The following CALCRL variants were observed in gnomAD, a reference collection of about 807,000 sequenced individuals.
CALCRL encodes the protein calcitonin gene-related peptide type 1 receptor.
CALCRL carries 27 observed loss-of-function variants against 60.4 expected under a neutral mutation model. That is an observed-to-expected ratio of 0.45 (90% CI 0.33 to 0.62). CALCRL has a LOEUF of 0.62. Ranked by LOEUF, CALCRL falls within the 20% of genes least tolerant of loss-of-function variation. The pLI is 0.03. For synonymous variants in CALCRL, 190 were observed against 182.6 expected (o/e 1.04, Z -0.33); for missense variants, 424 against 540.7 (o/e 0.78, Z 2.14).
chr2:187,408,004 TATC>T (rs1487544788), intron 1 of CALCRL, among the ~76,000 whole-genome samples: 1 of 152,070 alleles, frequency 6.6e-6, no homozygotes, highest in African/African-American at 2.4e-5. Flanking sequence ...TCACACCATT[TATC>T]TTTTGGTGGC....
At position 187,409,250 on chromosome 2, in the gene CALCRL, G is replaced by A. The variant is rs368219408; in HGVS notation, c.-292-21494C>T. Among the ~76,000 whole-genome samples, 431 of 152,030 alleles carry A rather than the reference G, an allele frequency of 2.8e-3. 5 individuals are homozygous for A. The highest frequency in any genetic ancestry group is 9.8e-3 in the African/African-American group (405 of 41,448). On this transcript the variant is annotated intron_variant, in intron 1 of 14. Coordinates refer to ENST00000392370, the MANE Select transcript of CALCRL (RefSeq NM_005795.6). ...CTTTCAAATATATTTGCTTTGATTC[G>A]GGGAATAACCTTAGTAGGGTGTCAG... is the stretch of plus-strand genomic sequence containing the variant.
chr2:187,362,707 C>A (rs181393466), intron 9 of CALCRL, among the ~76,000 whole-genome samples: 1 of 151,854 alleles, frequency 6.6e-6, no homozygotes, highest in Non-Finnish European at 1.5e-5. Context: ...ATAGCTTACA[C>A]AAAATATTTA....
In CALCRL at chr2:187,436,291, T is replaced by C. The variant is rs568280266; in HGVS notation, c.-293+11748A>G. ...TTTAAGCATCATCTCCATCTGTCCATTGAGCCATCCCAGACTCATTTGGTA... is the reference window on the plus strand; with the variant it reads ...TTTAAGCATCATCTCCATCTGTCCACTGAGCCATCCCAGACTCATTTGGTA... On this transcript the variant is annotated intron_variant, in intron 1 of 14. Coordinates refer to ENST00000392370, the MANE Select transcript of CALCRL (RefSeq NM_005795.6). Among the ~76,000 whole-genome samples the C allele has an allele frequency of 6.6e-5, 10 of 152,240 alleles. No individual in the cohort carries two copies. The East Asian group carries it at 1.2e-3, about 18-fold the overall frequency.
intron 9 of CALCRL, among the ~76,000 whole-genome samples, chr2:187,362,045 A>G (rs1687077482): frequency 2.0e-5 from 3 of 152,014 alleles, no homozygotes; most frequent in Admixed American, 2.0e-4. Context: ...TTAAGTATTT[A>G]TATTTAATTC....
At chr2:187,397,173 A>C (rs1304218881) in intron 1 of CALCRL, among the ~76,000 whole-genome samples, 1 of 151,784 alleles carries the variant, frequency 6.6e-6, no homozygotes, top group Non-Finnish European at 1.5e-5. Flanking sequence ...TAAGCTTATT[A>C]TACATATTTT....
chr2:187,392,678 T>C (rs925092963), intron 1 of CALCRL, among the ~76,000 whole-genome samples: 9 of 152,160 alleles, frequency 5.9e-5, no homozygotes, highest in African/African-American at 2.2e-4. Context: ...CAAGTTAATA[T>C]CTTTACTTCC....
chr2:187,417,296 C>G (rs980125384), intron 1 of CALCRL, among the ~76,000 whole-genome samples: 2 of 151,676 alleles, frequency 1.3e-5, no homozygotes, highest in Admixed American at 1.3e-4. Context: ...AAAAACAAAC[C>G]CATAAACACA....
chr2:187,412,936 T>G (rs1689428106), intron 1 of CALCRL, among the ~76,000 whole-genome samples: 1 of 152,228 alleles, frequency 6.6e-6, no homozygotes, highest in South Asian at 2.1e-4. Flanking sequence ...CTTTGTTGAT[T>G]GTTTTCTCTC....
intron 1 of CALCRL, among the ~76,000 whole-genome samples, chr2:187,427,515 C>T (rs555297098): frequency 2.0e-5 from 3 of 152,204 alleles, no homozygotes; most frequent in East Asian, 3.9e-4. Flanking sequence ...AAGGTATTAT[C>T]GTCACTGCAT....
chr2:187,432,362 CTTAA>C (rs1690441518), intron 1 of CALCRL, among the ~76,000 whole-genome samples: 1 of 152,188 alleles, frequency 6.6e-6, no homozygotes, highest in Non-Finnish European at 1.5e-5. Context: ...AATTATTTAT[CTTAA>C]TTAAGTCATA....
chr2:187,407,076 AC>A (rs1279084844), intron 1 of CALCRL, among the ~76,000 whole-genome samples: 2 of 151,966 alleles, frequency 1.3e-5, no homozygotes, highest in African/African-American at 4.8e-5. Context: ...GCACACTATC[AC>A]ACTAGATAAA....
chr2:187,419,314 C>T (rs1689767661), intron 1 of CALCRL, among the ~76,000 whole-genome samples: 1 of 152,028 alleles, frequency 6.6e-6, no homozygotes, highest in South Asian at 2.1e-4. Flanking sequence ...TCTAATATGA[C>T]TGATGTCTTC....
intron 1 of CALCRL, among the ~76,000 whole-genome samples, chr2:187,394,752 A>G (rs1368524222): frequency 6.6e-6 from 1 of 152,000 alleles, no homozygotes; most frequent in Non-Finnish European, 1.5e-5. Flanking sequence ...TTTCTGTTGC[A>G]TACTTATTAG....
At chr2:187,378,287 A>G (rs1273377608) in intron 8 of CALCRL, among the ~76,000 whole-genome samples, 1 of 152,162 alleles carries the variant, frequency 6.6e-6, no homozygotes, top group Non-Finnish European at 1.5e-5. Flanking sequence ...ATATATGCTG[A>G]TGATCAAAGT....
chr2:187,343,809 C>A lies in CALCRL; in HGVS notation c.*2375G>T, dbSNP rs2105671446. 1 of 151,556 alleles carries A rather than the reference C, an allele frequency of 6.6e-6. No homozygotes were observed. Among genetic ancestry groups the A allele is most frequent in the South Asian group, 2.1e-4 (1 of 4,820 alleles). 9.4% of individuals were successfully genotyped at this position (151,556 alleles called of 1,614,324 possible). On this transcript the variant is annotated 3_prime_UTR_variant, in exon 15 of 15. Transcript: ENST00000392370. ...AAGTAGCATTTAGCTTTTGAGAAATCTAACATTTAAAACTATTCTAAAAAT... is the reference window on the plus strand; with the variant it reads ...AAGTAGCATTTAGCTTTTGAGAAATATAACATTTAAAACTATTCTAAAAAT...
At chr2:187,427,297 G>A (rs543495993) in intron 1 of CALCRL, among the ~76,000 whole-genome samples, 1 of 152,146 alleles carries the variant, frequency 6.6e-6, no homozygotes, top group East Asian at 1.9e-4. Context: ...TATGTGGTAA[G>A]GGTATGGATA....
intron 1 of CALCRL, among the ~76,000 whole-genome samples, chr2:187,436,317 G>A (rs1668452972): frequency 6.6e-6 from 1 of 152,102 alleles, no homozygotes; most frequent in Non-Finnish European, 1.5e-5. Flanking sequence ...TCATTTGGTA[G>A]GTTCAGAATA....
intron 1 of CALCRL, among the ~76,000 whole-genome samples, chr2:187,417,231 A>C (rs1689652311): frequency 6.6e-6 from 1 of 152,088 alleles, no homozygotes; most frequent in Non-Finnish European, 1.5e-5. Context: ...TACTCAGAGT[A>C]GCATAGTTAA....
rs1687017934 is a variant in CALCRL, at chr2:187,360,692, C to A, written c.687G>T (p.Trp229Cys). 6.2e-7 allele frequency: 1 copy of A among 1,612,644 alleles called. No individual in the cohort carries two copies. Among genetic ancestry groups the A allele is most frequent in the African/African-American group, 1.3e-5 (1 of 74,808 alleles). Residue 229 changes from tryptophan (W) to cysteine (C), a missense_variant, in exon 10 of 15, where the codon TGG becomes TGT. Transcript: ENST00000392370. ...HLYLMGCNYFWMLCEGIYLHT... is the reference protein window; with the variant it reads ...HLYLMGCNYFCMLCEGIYLHT... ...GTAGGTAAATGCCTTCACAGAGCAT[C>A]CAAAAGTAATTACAGCCCATCAGGT...
Sources: gnomAD v4.1 joint callset for allele counts (sites outside exome capture counted in the v4.1 genomes callset) on GRCh38, gnomAD v4.1.1 for gene constraint, MANE v1.5 for transcripts, NCBI Gene and HGNC (gene_info 2026-07-23, HGNC 2026-07-21) for gene names.